CMYA5: variants seen among roughly 807,000 people sequenced by gnomAD.
The protein encoded by CMYA5 is cardiomyopathy-associated protein 5.
In CMYA5, 246 loss-of-function variants were observed where a neutral mutation model predicts 318.9. That is an observed-to-expected ratio of 0.77 (90% CI 0.70 to 0.86). The LOEUF (loss-of-function observed/expected upper bound fraction) is 0.86, where lower values mean the gene tolerates loss of function less well. CMYA5 is among the 40% of genes least tolerant of loss of function. The pLI, the probability that CMYA5 is intolerant of heterozygous loss-of-function variation, is 0.00. For missense variants in CMYA5, 4,589 were observed against 4,678.2 expected (o/e 0.98, Z 0.56); for synonymous variants, 1,641 against 1,729.5 (o/e 0.95, Z 1.27).
chr5:79,712,763 T>C (rs1426378258), intron 1 of CMYA5, among the ~76,000 whole-genome samples: 3 of 152,204 alleles, frequency 2.0e-5, no homozygotes, highest in Admixed American at 6.5e-5. Flanking sequence ...TGATTTGCCC[T>C]CATACTTCAT....
intron 12 of CMYA5, among the ~76,000 whole-genome samples, chr5:79,794,032 G>A (rs1468923005): frequency 6.6e-6 from 1 of 152,152 alleles, no homozygotes; most frequent in Non-Finnish European, 1.5e-5. Context: ...TCACCACAGG[G>A]TGGAGAGAGA....
chr5:79,743,708 G>T, intron 2 of CMYA5, 119 bp from the exon 3 acceptor site: 1 of 488,342 alleles, frequency 2.0e-6, no homozygotes. Flanking sequence ...ATTTGTTAGT[G>T]GATATAGTAT....
In CMYA5 at chr5:79,734,697, A is replaced by G; in HGVS notation, c.5932A>G (p.Lys1978Glu). The G allele has an allele frequency of 6.2e-7, 1 of 1,613,884 alleles. No homozygotes were observed. The highest frequency in any genetic ancestry group is 1.7e-4 in the Middle Eastern group (1 of 6,060). Residue 1978 changes from lysine to glutamate, a missense_variant, in exon 2 of 13, where the codon AAA (lysine) becomes GAA (glutamate). Physicochemically the swap from Lys to Glu is moderately conservative, Grantham distance 56. Transcript: ENST00000446378. ...TGGTAATACAGAGACCTTATCAAGTAAAAGTTACTCTTCTGAAGAAGTAAA... is the reference window on the plus strand; with the variant it reads ...TGGTAATACAGAGACCTTATCAAGTGAAAGTTACTCTTCTGAAGAAGTAAA... The part of the protein sequence containing the change: ...SSGNTETLSS[K>E]SYSSEEVKLA...
At chr5:79,720,346 A>T (rs780440532) in intron 1 of CMYA5, among the ~76,000 whole-genome samples, 1 of 152,320 alleles carries the variant, frequency 6.6e-6, no homozygotes, top group Non-Finnish European at 1.5e-5. Flanking sequence ...CTGACAGCCA[A>T]CTTATCAATA....
chr5:79,766,396 GGCGCTTCCA>G (rs1276802111), intron 9 of CMYA5, among the ~76,000 whole-genome samples: 2 of 152,100 alleles, frequency 1.3e-5, no homozygotes, highest in Non-Finnish European at 2.9e-5. Context: ...CACCGCGCCT[GGCGCTTCCA>G]GCTTTTGCTC....
chr5:79,709,960 C>CAAAA (rs61657639), intron 1 of CMYA5, among the ~76,000 whole-genome samples: 460 of 23,866 alleles, frequency 0.019, 9 homozygotes, highest in Non-Finnish European at 0.022. Context: ...GACTCCATCT[C>CAAAA]AAAAAAAAAA....
rs149562734 is a variant in CMYA5, at chr5:79,759,046, A to T, written c.11260+144A>T. ...ACAACAACAAAACCCCAACAACCATATAATGAAATAATAACTACAGAAGCA... is the reference window on the plus strand; with the variant it reads ...ACAACAACAAAACCCCAACAACCATTTAATGAAATAATAACTACAGAAGCA... On this transcript the variant is annotated intron_variant, in intron 7 of 12. Coordinates refer to ENST00000446378, the MANE Select transcript of CMYA5 (RefSeq NM_153610.5). The T allele has an allele frequency of 4.5e-4, 302 of 665,712 alleles. 3 individuals carry two copies. In the East Asian group the frequency reaches 6.2e-3, roughly 14 times the overall value. The allele number at this position is 665,712 out of a possible 1,614,324, so 41.2% of individuals were successfully genotyped here. A position where few individuals can be genotyped will look rare whatever the true frequency, so the allele number is the denominator to read the frequency against.
chr5:79,761,606 A>G (rs1828652484), intron 7 of CMYA5, among the ~76,000 whole-genome samples: 1 of 152,212 alleles, frequency 6.6e-6, no homozygotes, highest in Non-Finnish European at 1.5e-5. Flanking sequence ...GTTAACAAGT[A>G]TTACTATGTC....
intron 9 of CMYA5, among the ~76,000 whole-genome samples, chr5:79,771,814 C>T (rs1828861181): frequency 6.6e-6 from 1 of 152,144 alleles, no homozygotes; most frequent in South Asian, 2.1e-4. Context: ...CCAGGCCTGT[C>T]TTCTTCTTTC....
chr5:79,763,163 ACT>A lies in CMYA5; in HGVS notation c.11512_11513del (p.Leu3838GlyfsTer9), dbSNP rs1561223576. On this transcript the variant is annotated frameshift_variant, in exon 9 of 13. Coordinates refer to ENST00000446378, the MANE Select transcript of CMYA5 (RefSeq NM_153610.5). LOFTEE classifies it high-confidence loss of function. ...CACCCCAGAGGCCACGGAGACCTAC[ACT>A]CTGGAGTACTGCAGACAGCACTCTC... ...PTTPEATETYTLEYCRQHSPE... is the reference protein window; with the variant it reads ...PTTPEATETYXLEYCRQHSPE... 1 of 1,611,874 alleles carries A rather than the reference ACT, an allele frequency of 6.2e-7. No homozygotes were observed. The highest frequency in any genetic ancestry group is 1.1e-5 in the South Asian group (1 of 90,518).
At chr5:79,787,116 C>T (rs1385372659) in intron 9 of CMYA5, among the ~76,000 whole-genome samples, 1 of 152,170 alleles carries the variant, frequency 6.6e-6, no homozygotes, top group Non-Finnish European at 1.5e-5. Flanking sequence ...AAACAGTATC[C>T]TTGCTGTTTA....
intron 1 of CMYA5, among the ~76,000 whole-genome samples, chr5:79,698,704 A>G (rs1226296562): frequency 6.6e-6 from 1 of 152,218 alleles, no homozygotes; most frequent in Non-Finnish European, 1.5e-5. Context: ...CACATCATTC[A>G]TTATTTCACA....
chr5:79,795,945 G>C (rs259099), intron 12 of CMYA5, among the ~76,000 whole-genome samples: 31,954 of 152,188 alleles, frequency 0.21, 3,823 homozygotes, highest in East Asian at 0.45. Flanking sequence ...CAGGCCCCAC[G>C]CAGGCAGGCT....
intron 6 of CMYA5, among the ~76,000 whole-genome samples, chr5:79,755,165 T>TC (rs1828502729): frequency 6.6e-6 from 1 of 152,146 alleles, no homozygotes; most frequent in Non-Finnish European, 1.5e-5. Flanking sequence ...AATGCTTAAC[T>TC]CCCCCAGTGT....
chr5:79,734,737 C>T lies in CMYA5; in HGVS notation c.5972C>T (p.Pro1991Leu). The change falls in exon 2 of 13, where the codon CCA (proline) becomes CTA (leucine). Residue 1991 changes from proline to leucine, a missense_variant. By Grantham distance (98) the Pro-to-Leu change is moderately conservative. Coordinates refer to ENST00000446378, the MANE Select transcript of CMYA5 (RefSeq NM_153610.5). ...GAAGAAGTAAAGCTGGCTGAAGAAC[C>T]AAAGTCTTTAGTCCTAGCTGGAAAT... ...SSEEVKLAEE[P>L]KSLVLAGNVE... The T allele has an allele frequency of 1.9e-6, 3 of 1,613,758 alleles. No homozygotes were observed. The highest frequency in any genetic ancestry group is 1.7e-6 in the Non-Finnish European group (2 of 1,179,786).
intron 9 of CMYA5, among the ~76,000 whole-genome samples, chr5:79,769,836 G>A (rs1828821549): frequency 6.6e-6 from 1 of 152,190 alleles, no homozygotes; most frequent in Admixed American, 6.5e-5. Flanking sequence ...TGCTGTGCTG[G>A]GAGATCTGCT....
At position 79,732,939 on chromosome 5, in the gene CMYA5, G is replaced by A; in HGVS notation, c.4174G>A (p.Gly1392Arg). The A allele has an allele frequency of 6.2e-7, 1 of 1,613,714 alleles. No homozygotes were observed. The highest frequency in any genetic ancestry group is 1.1e-5 in the South Asian group (1 of 91,050). The change falls in exon 2 of 13, where the codon GGA becomes AGA. Residue 1392 changes from glycine (G) to arginine (R), a missense_variant. Around this residue, in one of 3 missense-constraint regions of CMYA5, gnomAD observed 2,132 missense variants for 2,131.3 expected, o/e 1.00. Coordinates refer to ENST00000446378, the MANE Select transcript of CMYA5 (RefSeq NM_153610.5). ...AGATCGTCCAGTCTTAACAAAAGTA[G>A]GAAAGGGTGAATTAGGAAGTGGTTT... ...PVDRPVLTKV[G>R]KGELGSGLPP...
At chr5:79,720,801 G>GA (rs2151081277) in intron 1 of CMYA5, among the ~76,000 whole-genome samples, 1 of 152,070 alleles carries the variant, frequency 6.6e-6, no homozygotes, top group African/African-American at 2.4e-5. Context: ...GACTTTTAAT[G>GA]AAAAAAGTAG....
At position 79,793,449 on chromosome 5, in the gene CMYA5, G is replaced by A. The variant is rs1187147207; in HGVS notation, c.11802G>A (p.Val3934=). ...ERRRLTEIPS[V]LGEELPSCGQ... ...ACTTCACCCACAGAATCCCGTCAGT[G>A]CTGGGTGAGGAGCTGCCTTCCTGTG... Residue 3934 remains valine (V), a synonymous_variant, in exon 12 of 13, where the codon GTG becomes GTA. Coordinates refer to ENST00000446378, the MANE Select transcript of CMYA5 (RefSeq NM_153610.5). 2.5e-6 allele frequency: 4 copies of A among 1,612,678 alleles called. No individual in the cohort carries two copies. Among genetic ancestry groups the A allele is most frequent in the Non-Finnish European group, 3.4e-6 (4 of 1,178,850 alleles).
Sources: gnomAD v4.1 joint callset for allele counts (sites outside exome capture counted in the v4.1 genomes callset) on GRCh38, gnomAD v4.1.1 for gene constraint, gnomAD v4.1.1 regional missense constraint, MANE v1.5 for transcripts, NCBI Gene and HGNC (gene_info 2026-07-23, HGNC 2026-07-21) for gene names.